PDE11A: variants seen among roughly 807,000 people sequenced by gnomAD.
PDE11A encodes the protein phosphodiesterase 11A, also known as dual 3',5'-cyclic-AMP and -GMP phosphodiesterase 11A.
A neutral mutation model predicts 100.5 loss-of-function variants in PDE11A; 100 were observed. The ratio of observed to expected loss-of-function variants is 1.00; its 90% CI spans 0.85 to 1.18. The LOEUF (loss-of-function observed/expected upper bound fraction) is 1.18. Ranked by LOEUF, PDE11A falls within the 50% of genes most tolerant of loss-of-function variation. The pLI is 0.00. For missense variants in PDE11A, 1,141 were observed against 1,152.6 expected (o/e 0.99, Z 0.15); for synonymous variants, 381 against 420.8 (o/e 0.91, Z 1.16).
At chr2:177,774,411 G>T (rs2082351553) in intron 9 of PDE11A, among the ~76,000 whole-genome samples, 1 of 152,200 alleles carries the variant, frequency 6.6e-6, no homozygotes, top group Non-Finnish European at 1.5e-5. Context: ...ATCCATTGAT[G>T]AATCTCCAAT....
intron 17 of PDE11A, among the ~76,000 whole-genome samples, chr2:177,673,639 C>T (rs373955688): frequency 6.6e-5 from 10 of 152,114 alleles, no homozygotes; most frequent in East Asian, 1.9e-4. Flanking sequence ...AGTTTGATGC[C>T]GTGACTGATG....
Position 177,636,585 on chromosome 2 carries a change from T to TTA in PDE11A, c.2647-7025_2647-7024dup, listed in dbSNP as rs575320183. Among the ~76,000 whole-genome samples, 252 of 152,154 alleles carry TTA rather than the reference T, an allele frequency of 1.7e-3. 1 individual carries two copies. Among genetic ancestry groups the TTA allele is most frequent in the Non-Finnish European group, 2.9e-3 (198 of 68,004 alleles). Reference sequence around the variant, plus strand: ...GAAATGGTTACTATTATTATCCTCTTTATATATATATAATTAAGAAAAACC... The same window carrying TTA: ...GAAATGGTTACTATTATTATCCTCTTTATATATATATATAATTAAGAAAAACC... On this transcript the variant is annotated intron_variant, in intron 19 of 19. Coordinates refer to ENST00000286063, the MANE Select transcript of PDE11A (RefSeq NM_016953.4).
intron 10 of PDE11A, among the ~76,000 whole-genome samples, chr2:177,740,741 C>G (rs1325690144): frequency 6.6e-6 from 1 of 152,218 alleles, no homozygotes; most frequent in African/African-American, 2.4e-5. Context: ...TTCTTCCATG[C>G]AGCTTTAAAA....
At chr2:177,745,745 G>A (rs2081938481) in intron 10 of PDE11A, among the ~76,000 whole-genome samples, 2 of 152,204 alleles carry the variant, frequency 1.3e-5, no homozygotes, top group Non-Finnish European at 2.9e-5. Context: ...CAGGAGGACA[G>A]CAACAGCATA....
intron 5 of PDE11A, among the ~76,000 whole-genome samples, chr2:177,853,680 A>ATGTGTGTGTG (rs1212022176): frequency 5.5e-5 from 2 of 36,504 alleles, no homozygotes; most frequent in African/African-American, 1.8e-4. Flanking sequence ...ATATATATAT[A>ATGTGTGTGTG]TGTGTGTGTG....
At chr2:177,970,812 A>G (rs2085759751) in intron 2 of PDE11A, among the ~76,000 whole-genome samples, 1 of 152,176 alleles carries the variant, frequency 6.6e-6, no homozygotes, top group Non-Finnish European at 1.5e-5. Context: ...GAATCACGGG[A>G]GGTACAACAG....
chr2:177,917,195 C>CAAAA lies in PDE11A; in HGVS notation c.1072-12012_1072-12009dup, dbSNP rs66967582. Among the ~76,000 whole-genome samples the CAAAA allele has an allele frequency of 3.3e-5, 5 of 149,598 alleles. 1 individual carries two copies. The highest frequency in any genetic ancestry group is 4.2e-4 in the South Asian group (2 of 4,742). ...GCCTCCAAAACCACCCTATATGTGC[C>CAAAA]AAAAAAAAAATTAAAGTTCAAATCA... On this transcript the variant is annotated intron_variant, in intron 2 of 19. Coordinates refer to ENST00000286063, the MANE Select transcript of PDE11A (RefSeq NM_016953.4).
chr2:177,822,497 G>A (rs546511341), intron 6 of PDE11A, among the ~76,000 whole-genome samples: 22 of 152,046 alleles, frequency 1.4e-4, no homozygotes, highest in Non-Finnish European at 2.4e-4. Flanking sequence ...TAATACAGTT[G>A]TATGATAAGG....
At chr2:177,968,074 T>C (rs1294836515) in intron 2 of PDE11A, among the ~76,000 whole-genome samples, 1 of 152,160 alleles carries the variant, frequency 6.6e-6, no homozygotes, top group African/African-American at 2.4e-5. Context: ...TCTCACACCC[T>C]CTCAGCTGGG....
chr2:177,809,102 T>C (rs546122220), intron 9 of PDE11A, among the ~76,000 whole-genome samples: 2 of 152,148 alleles, frequency 1.3e-5, no homozygotes, highest in East Asian at 3.9e-4. Flanking sequence ...TGCCACAGGC[T>C]GAAGAGAGGG....
Position 177,726,973 on chromosome 2 carries a change from C to CA in PDE11A, c.2043+684dup, listed in dbSNP as rs1244273890. On this transcript the variant is annotated intron_variant, in intron 12 of 19. Transcript: ENST00000286063. The stretch of plus-strand genomic sequence containing the variant: ...TGTAACAATGTAGTAGAAATTATGC[C>CA]AAAAAAAGCCTTATTTCTTGCCAGA... Among the ~76,000 whole-genome samples, 15 of 151,588 alleles carry CA rather than the reference C, an allele frequency of 9.9e-5. No individual in the cohort carries two copies. The South Asian group carries it at 1.7e-3, about 17-fold the overall frequency.
chr2:177,846,807 T>G (rs2083608763), intron 5 of PDE11A, among the ~76,000 whole-genome samples: 1 of 152,214 alleles, frequency 6.6e-6, no homozygotes, highest in Non-Finnish European at 1.5e-5. Flanking sequence ...CCTTCAAGCT[T>G]TTCTTCAACA....
intron 9 of PDE11A, among the ~76,000 whole-genome samples, chr2:177,770,907 G>A (rs2082302392): frequency 6.6e-6 from 1 of 152,118 alleles, no homozygotes; most frequent in African/African-American, 2.4e-5. Flanking sequence ...GCTCACTGAA[G>A]CCTTGACCTC....
intron 2 of PDE11A, among the ~76,000 whole-genome samples, chr2:177,906,378 C>G (rs142574040): frequency 4.3e-4 from 66 of 152,252 alleles, no homozygotes; most frequent in African/African-American, 1.5e-3. Context: ...ACCTGGAGTG[C>G]AAGGCAATTA....
intron 2 of PDE11A, among the ~76,000 whole-genome samples, chr2:178,091,779 T>TC (rs1553507801): frequency 1.3e-5 from 2 of 151,778 alleles, no homozygotes; most frequent in African/African-American, 2.4e-5. Context: ...TGTAAGTGGG[T>TC]GGGGGGGCTC....
At position 177,937,247 on chromosome 2, in the gene PDE11A, A is replaced by G. The variant is rs966158330; in HGVS notation, c.1072-32060T>C. Among the ~76,000 whole-genome samples, 5 of 152,032 alleles carry G rather than the reference A, an allele frequency of 3.3e-5. 1 individual carries two copies. The highest frequency in any genetic ancestry group is 3.3e-4 in the Admixed American group (5 of 15,256). ...TCTACCTCTAATGCACTTAGTTATA[A>G]ATGTCAACCCTGGGGGAGACATGAA... is the stretch of plus-strand genomic sequence containing the variant. On this transcript the variant is annotated intron_variant, in intron 2 of 19. Transcript: ENST00000286063.
At chr2:177,853,780 ATG>A (rs2083775279) in intron 5 of PDE11A, among the ~76,000 whole-genome samples, 3 of 139,442 alleles carry the variant, frequency 2.2e-5, no homozygotes, top group Non-Finnish European at 3.1e-5. Context: ...ATATCTATAT[ATG>A]TGTATAGATA....
intron 9 of PDE11A, among the ~76,000 whole-genome samples, chr2:177,780,233 G>A (rs1318845373): frequency 6.6e-6 from 1 of 152,114 alleles, no homozygotes; most frequent in African/African-American, 2.4e-5. Context: ...TACAAGCAGA[G>A]TAGATTTAGC....
chr2:177,729,301 G>T (rs746794751), intron 10 of PDE11A, among the ~76,000 whole-genome samples: 3 of 152,146 alleles, frequency 2.0e-5, no homozygotes, highest in African/African-American at 4.8e-5. Context: ...TGGGCATTCC[G>T]TCAGTTTCAC....
Sources: allele counts gnomAD v4.1 joint callset (sites outside exome capture counted in the v4.1 genomes callset), GRCh38; gene constraint gnomAD v4.1.1; transcripts MANE v1.5; gene names NCBI Gene and HGNC (gene_info 2026-07-23, HGNC 2026-07-21).